WASL: variants seen among roughly 807,000 people sequenced by gnomAD.
The protein encoded by WASL is WASP like actin nucleation promoting factor.
In WASL, 20 loss-of-function variants were observed where a neutral mutation model predicts 55.5. The ratio of observed to expected loss-of-function variants is 0.36; its 90% confidence interval spans 0.25 to 0.52. WASL has a LOEUF of 0.52. Ranked by LOEUF, WASL falls within the 20% of genes least tolerant of loss-of-function variation. The pLI is 0.92. For synonymous variants in WASL, 249 were observed against 217.6 expected (o/e 1.14, Z -1.27); for missense variants, 504 against 622.5 (o/e 0.81, Z 2.03).
chr7:123,696,871 A>T (rs1312911565), intron 5 of WASL, 124 bp from the exon 6 acceptor site: 2 of 712,282 alleles, frequency 2.8e-6, no homozygotes, highest in Non-Finnish European at 3.9e-6. Context: ...TTTATATTTT[A>T]AACTTCTACA....
intron 10 of WASL, among the ~76,000 whole-genome samples, chr7:123,687,487 C>T (rs1803312288): frequency 6.6e-6 from 1 of 152,152 alleles, no homozygotes; most frequent in African/African-American, 2.4e-5. Flanking sequence ...ATCGGATACA[C>T]TTTCCCTAGT....
chr7:123,728,807 G>C lies in WASL; in HGVS notation c.118-19584C>G, dbSNP rs185687642. On this transcript the variant is annotated intron_variant, in intron 1 of 10. Transcript: ENST00000223023. ...GCTGAACTCGTACCACTGCACTCCA[G>C]CCTGGGCAACTCCATTATACATAAC... 4.1e-4 allele frequency among the ~76,000 whole-genome samples: 62 copies of C among 152,296 alleles called. No homozygotes were observed. The East Asian group carries it at 0.01, about 25-fold the overall frequency.
intron 1 of WASL, among the ~76,000 whole-genome samples, chr7:123,715,863 G>C (rs1005807770): frequency 6.6e-6 from 1 of 152,084 alleles, no homozygotes; most frequent in Non-Finnish European, 1.5e-5. Flanking sequence ...ACTAAAAATG[G>C]CAAGTCTTAC....
chr7:123,718,508 G>A (rs1441266427), intron 1 of WASL, among the ~76,000 whole-genome samples: 2 of 152,170 alleles, frequency 1.3e-5, no homozygotes, highest in Non-Finnish European at 2.9e-5. Flanking sequence ...ATGACAATGA[G>A]TGTATCTGGA....
At chr7:123,698,414 C>T (rs1803525740) in intron 5 of WASL, among the ~76,000 whole-genome samples, 1 of 151,308 alleles carries the variant, frequency 6.6e-6, no homozygotes, top group Non-Finnish European at 1.5e-5. Flanking sequence ...CCCAACTCTA[C>T]TATTAAAGAT....
intron 1 of WASL, among the ~76,000 whole-genome samples, chr7:123,722,615 C>CA (rs1323618575): frequency 1.3e-5 from 2 of 152,066 alleles, no homozygotes; most frequent in Non-Finnish European, 2.9e-5. Context: ...GCCAGGAGTT[C>CA]AACACCAGCG....
chr7:123,686,077 G>C (rs1803283235), intron 10 of WASL, among the ~76,000 whole-genome samples: 1 of 151,210 alleles, frequency 6.6e-6, no homozygotes, highest in Non-Finnish European at 1.5e-5. Context: ...TGTGAAGGTA[G>C]TATTTGAAGA....
chr7:123,694,991 A>T, intron 7 of WASL, 123 bp from the exon 8 acceptor site: 2 of 907,810 alleles, frequency 2.2e-6, no homozygotes, highest in Non-Finnish European at 3.3e-6. Flanking sequence ...TATATTACTT[A>T]TGTGCTAACT....
chr7:123,706,493 A>AT, intron 3 of WASL, 120 bp from the exon 4 acceptor site: 1 of 935,096 alleles, frequency 1.1e-6, no homozygotes, highest in Non-Finnish European at 1.6e-6. Flanking sequence ...TTACTAGCAG[A>AT]TAAGACATTA....
intron 1 of WASL, among the ~76,000 whole-genome samples, chr7:123,743,956 A>G (rs370666683): frequency 6.6e-5 from 10 of 152,302 alleles, no homozygotes; most frequent in African/African-American, 2.2e-4. Context: ...TTTTTCCTCT[A>G]TACTAGACAA....
chr7:123,727,487 G>C (rs775914413), intron 1 of WASL, among the ~76,000 whole-genome samples: 20 of 151,854 alleles, frequency 1.3e-4, no homozygotes, highest in Non-Finnish European at 2.9e-4. Context: ...TAAATTCATG[G>C]TAAACACTGA....
intron 9 of WASL, 45 bp downstream of exon 9, chr7:123,692,302 A>G (rs1803422362): frequency 6.4e-7 from 1 of 1,563,372 alleles, no homozygotes. Context: ...TTAAAATTCC[A>G]TTATGATAAA....
At chr7:123,696,793 A>G in intron 5 of WASL, 46 bp from the exon 6 acceptor site, 1 of 1,241,434 alleles carries the variant, frequency 8.1e-7, no homozygotes, top group Non-Finnish European at 1.1e-6. Context: ...ATTTAAGATA[A>G]CTGATATACA....
At chr7:123,700,640 G>T (rs1253264766) in intron 5 of WASL, among the ~76,000 whole-genome samples, 2 of 152,004 alleles carry the variant, frequency 1.3e-5, no homozygotes. Flanking sequence ...GGGTTTCATC[G>T]TATTAGCCAG....
In WASL at chr7:123,693,083, A is replaced by C. The variant is rs1007337207; in HGVS notation, c.827-216T>G. On this transcript the variant is annotated intron_variant, in intron 8 of 10. Transcript: ENST00000223023. ...AAGATCACTTTCTTATTGGTTCTTA[A>C]AAAAATATGAGCTAAAACAGAATAG... Among the ~76,000 whole-genome samples the C allele has an allele frequency of 6.6e-5, 10 of 152,258 alleles. No individual in the cohort carries two copies. In the East Asian group the frequency reaches 1.7e-3, roughly 26 times the overall value.
At chr7:123,705,989 T>A (rs1682991834) in intron 4 of WASL, among the ~76,000 whole-genome samples, 1 of 151,814 alleles carries the variant, frequency 6.6e-6, no homozygotes, top group Non-Finnish European at 1.5e-5. Flanking sequence ...TCGGTAAATC[T>A]AAAAAAAATA....
At chr7:123,698,177 T>C (rs1341003491) in intron 5 of WASL, among the ~76,000 whole-genome samples, 12 of 152,130 alleles carry the variant, frequency 7.9e-5, no homozygotes, top group Admixed American at 6.5e-4. Context: ...GTCCTGTAAG[T>C]CCTGGTGAAT....
intron 1 of WASL, chr7:123,720,344 C>CAAAAAAAAAAAAAAAAAAAAAA: frequency 2.9e-6 from 1 of 348,528 alleles, no homozygotes; most frequent in Non-Finnish European, 5.5e-6. Context: ...CATACAGCTG[C>CAAAAAAAAAAAAAAAAAAAAAA]AAAAAAAAAA....
intron 5 of WASL, among the ~76,000 whole-genome samples, chr7:123,702,812 C>T (rs117205528): frequency 1.3e-5 from 2 of 152,124 alleles, no homozygotes; most frequent in Non-Finnish European, 2.9e-5. Context: ...TGAGTATCAA[C>T]GAAGTTTTGT....
Sources: gnomAD v4.1 joint callset for allele counts (sites outside exome capture counted in the v4.1 genomes callset) on GRCh38, gnomAD v4.1.1 for gene constraint, MANE v1.5 for transcripts, NCBI Gene and HGNC (gene_info 2026-07-23, HGNC 2026-07-21) for gene names.